Variants in ROBO1 observed in about 807,000 individuals in gnomAD.
The protein encoded by ROBO1 is roundabout guidance receptor 1.
In ROBO1, 149 loss-of-function variants were observed where a neutral mutation model predicts 195.9. The ratio of observed to expected loss-of-function variants is 0.76; its 90% CI spans 0.67 to 0.87. The LOEUF is 0.87. ROBO1 is among the 40% of genes least tolerant of loss of function. ROBO1 has a pLI of 0.00. For synonymous variants in ROBO1, 816 were observed against 733.2 expected (o/e 1.11, Z -1.82); for missense variants, 1,933 against 2,068.3 (o/e 0.93, Z 1.27).
chr3:79,064,777 T>G (rs528929878), intron 3 of ROBO1, among the ~76,000 whole-genome samples: 2 of 152,124 alleles, frequency 1.3e-5, no homozygotes, highest in East Asian at 3.9e-4. Flanking sequence ...CAGATAGATT[T>G]CATGTTCTCA....
intron 2 of ROBO1, among the ~76,000 whole-genome samples, chr3:79,137,680 T>A (rs2080438259): frequency 6.6e-6 from 1 of 152,100 alleles, no homozygotes; most frequent in African/African-American, 2.4e-5. Flanking sequence ...TGAAACCGAA[T>A]CTCAGAGTAC....
intron 5 of ROBO1, among the ~76,000 whole-genome samples, chr3:78,737,827 T>C (rs1161839801): frequency 1.3e-5 from 2 of 152,204 alleles, no homozygotes. Context: ...ATAAATAGAA[T>C]ACATAATATG....
At chr3:78,637,227 G>A (rs1247671421) in intron 22 of ROBO1, among the ~76,000 whole-genome samples, 2 of 151,942 alleles carry the variant, frequency 1.3e-5, no homozygotes, top group Admixed American at 1.3e-4. Flanking sequence ...AGAAAAATGT[G>A]TAATTTCTCT....
At chr3:78,901,546 C>A (rs2037588817) in intron 4 of ROBO1, among the ~76,000 whole-genome samples, 1 of 151,970 alleles carries the variant, frequency 6.6e-6, no homozygotes, top group Non-Finnish European at 1.5e-5. Context: ...TAAAATAATG[C>A]CATTTATTTT....
intron 10 of ROBO1, among the ~76,000 whole-genome samples, chr3:78,683,067 T>C (rs923989429): frequency 6.6e-6 from 1 of 151,996 alleles, no homozygotes; most frequent in African/African-American, 2.4e-5. Context: ...TGATCCTAAC[T>C]TCAGGGGGAA....
At chr3:78,680,291 A>G (rs1377004177) in intron 10 of ROBO1, among the ~76,000 whole-genome samples, 1 of 152,220 alleles carries the variant, frequency 6.6e-6, no homozygotes, top group East Asian at 1.9e-4. Context: ...TCATGTCTAA[A>G]ACACCAAAAG....
At chr3:79,200,144 G>C (rs1246270496) in intron 2 of ROBO1, among the ~76,000 whole-genome samples, 1 of 151,694 alleles carries the variant, frequency 6.6e-6, no homozygotes, top group Non-Finnish European at 1.5e-5. Context: ...GAAGTGAAAA[G>C]TATTGTAATG....
intron 2 of ROBO1, among the ~76,000 whole-genome samples, chr3:79,343,450 G>A (rs559910681): frequency 6.6e-6 from 1 of 152,108 alleles, no homozygotes; most frequent in Non-Finnish European, 1.5e-5. Context: ...CACCAGCAAC[G>A]AAGGATAATT....
At chr3:79,419,454 G>A (rs1017715570) in intron 2 of ROBO1, among the ~76,000 whole-genome samples, 5 of 152,058 alleles carry the variant, frequency 3.3e-5, no homozygotes, top group African/African-American at 9.7e-5. Flanking sequence ...AAAGCTACAC[G>A]TTTGACATGT....
intron 2 of ROBO1, among the ~76,000 whole-genome samples, chr3:79,413,210 T>TA (rs1244775643): frequency 6.6e-6 from 1 of 152,012 alleles, no homozygotes. Context: ...AAAATATATT[T>TA]AAAAAACATG....
chr3:79,267,439 T>C (rs568101827), intron 2 of ROBO1, among the ~76,000 whole-genome samples: 1 of 151,576 alleles, frequency 6.6e-6, no homozygotes, highest in African/African-American at 2.4e-5. Context: ...AAATTGTACC[T>C]AGTTATGTGA....
At chr3:79,721,623 A>G (rs1008829553) in intron 1 of ROBO1, among the ~76,000 whole-genome samples, 3 of 152,210 alleles carry the variant, frequency 2.0e-5, no homozygotes, top group African/African-American at 7.2e-5. Context: ...TGATAGTGTC[A>G]TCATCACTAT....
chr3:79,613,136 A>T, intron 1 of ROBO1, among the ~76,000 whole-genome samples: 1 of 152,046 alleles, frequency 6.6e-6, no homozygotes, highest in East Asian at 1.9e-4. Context: ...GGACTGGGAA[A>T]GACTGAAAAA....
chr3:79,662,462 T>C (rs1027380018), intron 1 of ROBO1, among the ~76,000 whole-genome samples: 6 of 152,106 alleles, frequency 3.9e-5, no homozygotes, highest in African/African-American at 9.7e-5. Context: ...ATCCTTGCTT[T>C]GAGCAAATCT....
chr3:79,377,825 G>A (rs148685215), intron 2 of ROBO1, among the ~76,000 whole-genome samples: 437 of 152,226 alleles, frequency 2.9e-3, no homozygotes, highest in Non-Finnish European at 4.8e-3. Context: ...TGATACGGTC[G>A]TGCTAGCAGA....
Position 78,651,800 on chromosome 3 carries a change from C to G in ROBO1, c.2744G>C (p.Ser915Thr), listed in dbSNP as rs372709846. ...CTTGCGGTGTCGATAAAGCCAGATG[C>G]TGAAGACCATGAGGATGATCCAACA... ...AACWIILMVF[S>T]IWLYRHRKKR... is the part of the protein sequence containing the mutation. Residue 915 changes from serine (S) to threonine (T), a missense_variant, in exon 19 of 31, where the codon AGC becomes ACC. Coordinates refer to ENST00000464233, the MANE Select transcript of ROBO1 (RefSeq NM_002941.4). The G allele has an allele frequency of 2.6e-5, 42 of 1,613,676 alleles. No individual in the cohort carries two copies. The African/African-American group carries it at 3.9e-4, about 15-fold the overall frequency.
intron 3 of ROBO1, among the ~76,000 whole-genome samples, chr3:79,061,859 T>C (rs2078924323): frequency 6.6e-6 from 1 of 151,262 alleles, no homozygotes; most frequent in Admixed American, 6.6e-5. Flanking sequence ...TCAAGATGGA[T>C]TAAAGACTTA....
chr3:78,743,596 T>A (rs2082584080), intron 5 of ROBO1, among the ~76,000 whole-genome samples: 1 of 150,086 alleles, frequency 6.7e-6, no homozygotes, highest in Non-Finnish European at 1.5e-5. Context: ...GGATATGCTA[T>A]GCTATATGTG....
chr3:78,770,751 T>G (rs2108425279), intron 4 of ROBO1, among the ~76,000 whole-genome samples: 1 of 152,304 alleles, frequency 6.6e-6, no homozygotes, highest in Admixed American at 6.5e-5. Flanking sequence ...AGTATTCTTA[T>G]ACTTTGAGAT....
Sources: gnomAD v4.1 joint callset for allele counts (sites outside exome capture counted in the v4.1 genomes callset) on GRCh38, gnomAD v4.1.1 for gene constraint, MANE v1.5 for transcripts, NCBI Gene and HGNC (gene_info 2026-07-23, HGNC 2026-07-21) for gene names.